ST7: variants seen among roughly 807,000 people sequenced by gnomAD.
The protein encoded by ST7 is suppression of tumorigenicity 7.
Under a neutral mutation model 78.7 loss-of-function variants are expected in ST7, and 28 were observed. That is an observed-to-expected ratio of 0.36 (90% confidence interval 0.26 to 0.49). ST7 has a LOEUF of 0.49. Ranked by LOEUF, ST7 falls within the 20% of genes least tolerant of loss-of-function variation. The pLI is 0.99. For missense variants in ST7, 418 were observed against 696.0 expected, an observed-to-expected ratio of 0.60 and a Z score of 4.49; for synonymous variants, 247 against 249.6, an observed-to-expected ratio of 0.99 and a Z score of 0.10.
At chr7:117,181,190 CAGAT>C (rs1176762151) in intron 10 of ST7, among the ~76,000 whole-genome samples, 3 of 152,036 alleles carry the variant, frequency 2.0e-5, no homozygotes, top group Admixed American at 1.3e-4. Flanking sequence ...ATCAGAATGA[CAGAT>C]AGCTAAATAA....
At chr7:117,125,269 G>A (rs983760877) in intron 3 of ST7, among the ~76,000 whole-genome samples, 1 of 152,068 alleles carries the variant, frequency 6.6e-6, no homozygotes, top group Non-Finnish European at 1.5e-5. Context: ...AGGGTTGGTT[G>A]ACTTAGGTGA....
intron 10 of ST7, chr7:117,184,216 T>A (rs1302837178): frequency 6.6e-6 from 1 of 152,272 alleles, no homozygotes; most frequent in East Asian, 1.9e-4. Flanking sequence ...AACATTTACT[T>A]AGCGTTCCTT....
At chr7:117,031,220 A>G (rs1400959869) in intron 1 of ST7, among the ~76,000 whole-genome samples, 1 of 151,468 alleles carries the variant, frequency 6.6e-6, no homozygotes, top group Admixed American at 6.6e-5. Flanking sequence ...GAGGTTCAGA[A>G]AAAAAAAACC....
chr7:117,126,788 A>G (rs528511174), intron 3 of ST7, among the ~76,000 whole-genome samples: 1 of 152,042 alleles, frequency 6.6e-6, no homozygotes, highest in Admixed American at 6.6e-5. Context: ...GATAGTAAAC[A>G]TTATTCTTTA....
At chr7:117,222,810 A>T (rs913617843) in intron 15 of ST7, 2 of 1,396,196 alleles carry the variant, frequency 1.4e-6, no homozygotes, top group African/African-American at 1.4e-5. Flanking sequence ...GGCGAGTGCA[A>T]TCAGAAAGGA....
At position 117,184,749 on chromosome 7, in the gene ST7, A is replaced by C. The variant is rs183350728; in HGVS notation, c.1079-4572A>C. Among the ~76,000 whole-genome samples, 8 of 152,326 alleles carry C rather than the reference A, an allele frequency of 5.3e-5. No homozygotes were observed. In the East Asian group the frequency reaches 1.5e-3, roughly 29 times the overall value. On this transcript the variant is annotated intron_variant, in intron 10 of 15. Coordinates refer to ENST00000323984, the MANE Select transcript of ST7 (RefSeq NM_001369598.1). ...GGGATGAAATTGGATAGACATGCACACTTGATTTTATGTAAAAAATGGTGA... is the reference window on the plus strand; with the variant it reads ...GGGATGAAATTGGATAGACATGCACCCTTGATTTTATGTAAAAAATGGTGA...
At chr7:117,170,123 A>T (rs1234594257) in intron 9 of ST7, among the ~76,000 whole-genome samples, 2 of 152,112 alleles carry the variant, frequency 1.3e-5, no homozygotes, top group African/African-American at 4.8e-5. Flanking sequence ...GCTTCCATCC[A>T]AATTGCTGTT....
chr7:116,983,626 A>G (rs1794058874), intron 1 of ST7, among the ~76,000 whole-genome samples: 1 of 151,886 alleles, frequency 6.6e-6, no homozygotes, highest in Admixed American at 6.6e-5. Flanking sequence ...TGCTTGGGCC[A>G]TGACACCCTA....
chr7:117,183,663 G>T (rs543372521), intron 10 of ST7, among the ~76,000 whole-genome samples: 1 of 152,164 alleles, frequency 6.6e-6, no homozygotes, highest in East Asian at 1.9e-4. Context: ...TATTAGTTTT[G>T]CAAACTTCAT....
intron 1 of ST7, among the ~76,000 whole-genome samples, chr7:116,978,546 G>A (rs903219927): frequency 7.2e-5 from 11 of 152,194 alleles, no homozygotes; most frequent in East Asian, 5.8e-4. Context: ...AATGAAGGTC[G>A]TAGCAGGAAA....
intron 1 of ST7, among the ~76,000 whole-genome samples, chr7:117,024,377 C>T (rs1360198590): frequency 6.6e-6 from 1 of 152,078 alleles, no homozygotes; most frequent in Non-Finnish European, 1.5e-5. Context: ...ATTTATTGGG[C>T]TCAGTCCTCC....
At chr7:117,089,317 A>C (rs1047715182) in intron 1 of ST7, among the ~76,000 whole-genome samples, 1 of 152,182 alleles carries the variant, frequency 6.6e-6, no homozygotes, top group African/African-American at 2.4e-5. Context: ...TTGAATATGA[A>C]TATCTATTGA....
chr7:117,044,555 T>TTATTAAATATG (rs1797393521), intron 1 of ST7, among the ~76,000 whole-genome samples: 2 of 152,154 alleles, frequency 1.3e-5, no homozygotes, highest in Non-Finnish European at 2.9e-5. Flanking sequence ...TTCACCATAT[T>TTATTAAATATG]GTCCAGGCTG....
intron 2 of ST7, among the ~76,000 whole-genome samples, chr7:117,118,791 G>A (rs755780939): frequency 2.6e-5 from 4 of 152,166 alleles, no homozygotes; most frequent in Middle Eastern, 3.2e-3. Context: ...GAGGTCACTT[G>A]CTTTTCCAGT....
intron 13 of ST7, among the ~76,000 whole-genome samples, chr7:117,214,550 C>T (rs969461488): frequency 2.6e-5 from 4 of 152,132 alleles, no homozygotes. Context: ...AGAGAAATTC[C>T]ACCACCCTCC....
At chr7:117,034,481 G>C (rs914388347) in intron 1 of ST7, among the ~76,000 whole-genome samples, 6 of 152,156 alleles carry the variant, frequency 3.9e-5, no homozygotes, top group Non-Finnish European at 5.9e-5. Flanking sequence ...CTAATATTTA[G>C]TCTCATCTCT....
intron 1 of ST7, among the ~76,000 whole-genome samples, chr7:116,963,136 G>A (rs1156455017): frequency 6.6e-6 from 1 of 152,142 alleles, no homozygotes; most frequent in Non-Finnish European, 1.5e-5. Flanking sequence ...TTTTATCCTC[G>A]ATATTCTTTC....
chr7:117,172,905 G>A (rs1294167665), intron 10 of ST7, among the ~76,000 whole-genome samples: 1 of 152,192 alleles, frequency 6.6e-6, no homozygotes, highest in Non-Finnish European at 1.5e-5. Context: ...ATTTGTTACA[G>A]AAATCATCAG....
At chr7:116,982,029 A>G (rs1331906415) in intron 1 of ST7, among the ~76,000 whole-genome samples, 2 of 152,152 alleles carry the variant, frequency 1.3e-5, no homozygotes, top group African/African-American at 2.4e-5. Flanking sequence ...TAGTTGTGCT[A>G]CAGTGTTACA....
Sources: allele counts gnomAD v4.1 joint callset (sites outside exome capture counted in the v4.1 genomes callset), GRCh38; gene constraint gnomAD v4.1.1; transcripts MANE v1.5; gene names NCBI Gene and HGNC (gene_info 2026-07-23, HGNC 2026-07-21).